The following DAB1 variants were observed in gnomAD, a reference collection of about 807,000 sequenced individuals.
DAB1 encodes DAB adaptor protein 1.
In DAB1, 15 loss-of-function variants were observed where a neutral mutation model predicts 64.6. That is an observed-to-expected ratio of 0.23 (90% CI 0.16 to 0.36). The LOEUF is 0.36. Among genes scored for constraint, DAB1 ranks in the 10% least tolerant of loss-of-function variants. DAB1 has a pLI of 1.00. For synonymous variants in DAB1, 235 were observed against 251.9 expected (o/e 0.93, Z 0.64); for missense variants, 596 against 706.7 (o/e 0.84, Z 1.78).
At position 58,018,685 on chromosome 1, in the gene DAB1, C is replaced by A. The variant is rs145550332; in HGVS notation, n.387+131826G>T. 5.1e-3 allele frequency among the ~76,000 whole-genome samples: 775 copies of A among 152,294 alleles called. 10 individuals are homozygous for A. The highest frequency in any genetic ancestry group is 0.018 in the African/African-American group (747 of 41,558). On this transcript the variant is annotated intron_variant and non_coding_transcript_variant, in intron 5 of 20. Coordinates refer to the DAB1 transcript ENST00000485760. ...TGTTTACATAAATTCTTATTAACCA[C>A]TTTTCTGGAATCGAAAGGTGTTAAT... is the stretch of plus-strand genomic sequence containing the variant.
At chr1:58,304,078 A>G (rs1253169761) in intron 4 of DAB1, among the ~76,000 whole-genome samples, 7 of 152,096 alleles carry the variant, frequency 4.6e-5, no homozygotes, top group Admixed American at 4.6e-4. Context: ...TGCATTCTGG[A>G]TAAGTACGGG....
chr1:57,367,165 C>T (rs980291583), intron 1 of DAB1, among the ~76,000 whole-genome samples: 5 of 151,366 alleles, frequency 3.3e-5, no homozygotes, highest in Non-Finnish European at 7.4e-5. Context: ...ATCCTAGTTA[C>T]CTGGGAGGCT....
At chr1:58,118,499 T>TACACAC (rs1484103711) in intron 5 of DAB1, among the ~76,000 whole-genome samples, 42 of 79,080 alleles carry the variant, frequency 5.3e-4, no homozygotes, top group East Asian at 5.1e-3. Context: ...TATATATATA[T>TACACAC]ATATACACAC....
chr1:57,555,329 G>A (rs370924987), intron 7 of DAB1, among the ~76,000 whole-genome samples: 272 of 151,032 alleles, frequency 1.8e-3, no homozygotes, highest in African/African-American at 6.3e-3. Flanking sequence ...CACCCCACCT[G>A]GCCGGTATCT....
At chr1:58,398,681 C>T (rs1039932871) in intron 3 of DAB1, among the ~76,000 whole-genome samples, 1 of 152,226 alleles carries the variant, frequency 6.6e-6, no homozygotes, top group African/African-American at 2.4e-5. Flanking sequence ...GCCCAGGTTG[C>T]AGATGAGGAA....
chr1:57,289,344 C>T lies in DAB1; in HGVS notation c.67+1620G>A, dbSNP rs557978389. On this transcript the variant is annotated intron_variant, in intron 2 of 14. Transcript: ENST00000371236. ...AATTTAAGGCAAAAATATAACTTGT[C>T]AGTTTCCACTGAAAAAGCATTTGAA... is the stretch of plus-strand genomic sequence containing the variant. Among the ~76,000 whole-genome samples the T allele has an allele frequency of 6.6e-5, 10 of 152,336 alleles. No homozygotes were observed. The South Asian group carries it at 2.1e-3, about 32-fold the overall frequency.
At chr1:57,962,204 T>C (rs890501919) in intron 5 of DAB1, among the ~76,000 whole-genome samples, 2 of 152,170 alleles carry the variant, frequency 1.3e-5, no homozygotes, top group Admixed American at 6.5e-5. Context: ...GGGATCTTTA[T>C]AGTGCCTACC....
At chr1:57,630,210 T>G (rs1452921010) in intron 7 of DAB1, among the ~76,000 whole-genome samples, 1 of 152,166 alleles carries the variant, frequency 6.6e-6, no homozygotes, top group Non-Finnish European at 1.5e-5. Flanking sequence ...TCAGGGGAAG[T>G]GACTTCGGAT....
chr1:58,297,954 T>G (rs568341434), intron 4 of DAB1, among the ~76,000 whole-genome samples: 1 of 152,178 alleles, frequency 6.6e-6, no homozygotes, highest in African/African-American at 2.4e-5. Context: ...CTCCCATCAC[T>G]TGGGGCAGTT....
At chr1:58,539,044 C>T in intron 1 of DAB1, 2 of 872,904 alleles carry the variant, frequency 2.3e-6, no homozygotes, top group Non-Finnish European at 4.0e-6. Flanking sequence ...ACTTTTGGTA[C>T]TTGAGAGGCC....
At chr1:57,900,421 CA>C (rs1382012659) in intron 5 of DAB1, among the ~76,000 whole-genome samples, 1 of 152,148 alleles carries the variant, frequency 6.6e-6, no homozygotes, top group African/African-American at 2.4e-5. Flanking sequence ...TTATTAGAGT[CA>C]GCCTAACGAG....
At chr1:57,462,630 G>A (rs1298720405) in intron 7 of DAB1, among the ~76,000 whole-genome samples, 1 of 152,070 alleles carries the variant, frequency 6.6e-6, no homozygotes, top group Non-Finnish European at 1.5e-5. Flanking sequence ...CCTATGAGAG[G>A]GTCGTACTGC....
intron 7 of DAB1, among the ~76,000 whole-genome samples, chr1:57,479,393 T>A (rs991769535): frequency 1.3e-5 from 2 of 150,736 alleles, no homozygotes; most frequent in African/African-American, 4.9e-5. Context: ...GGTTACTAAA[T>A]AAAAGAACTG....
intron 9 of DAB1, among the ~76,000 whole-genome samples, chr1:57,060,790 G>A (rs1300923640): frequency 1.3e-5 from 2 of 152,042 alleles, no homozygotes; most frequent in African/African-American, 2.4e-5. Flanking sequence ...CACTAGGCTG[G>A]AGAGGGGACC....
In DAB1 at chr1:57,258,404, C is replaced by T. The variant is rs532872822; in HGVS notation, c.67+32560G>A. Among the ~76,000 whole-genome samples, 7 of 152,236 alleles carry T rather than the reference C, an allele frequency of 4.6e-5. 1 individual carries two copies. In the South Asian group the frequency reaches 1.5e-3, roughly 32 times the overall value. ...TCATCCTCCCTGGGATGGTTTTCCA[C>T]CCCAACCATTTCCCTTCTTACTTCC... On this transcript the variant is annotated intron_variant, in intron 2 of 14. Transcript: ENST00000371236.
intron 5 of DAB1, among the ~76,000 whole-genome samples, chr1:57,903,613 A>T (rs1644507955): frequency 6.6e-6 from 1 of 152,184 alleles, no homozygotes; most frequent in African/African-American, 2.4e-5. Context: ...TGAAGTCACA[A>T]GGAGGAATCA....
intron 6 of DAB1, among the ~76,000 whole-genome samples, chr1:57,802,661 A>T (rs906716486): frequency 5.3e-5 from 8 of 152,030 alleles, no homozygotes; most frequent in Admixed American, 4.6e-4. Flanking sequence ...GTGAGTTCTC[A>T]TGAGATCTGG....
At chr1:57,904,376 T>G (rs1644519486) in intron 5 of DAB1, among the ~76,000 whole-genome samples, 1 of 152,168 alleles carries the variant, frequency 6.6e-6, no homozygotes, top group Non-Finnish European at 1.5e-5. Context: ...CCAGCTGGTT[T>G]GTGAGCATCT....
intron 7 of DAB1, among the ~76,000 whole-genome samples, chr1:57,549,529 C>A (rs1644891829): frequency 6.6e-6 from 1 of 152,138 alleles, no homozygotes; most frequent in East Asian, 1.9e-4. Flanking sequence ...GGGCACAGCT[C>A]CTGGAGAGCT....
Sources: gnomAD v4.1 joint callset for allele counts (sites outside exome capture counted in the v4.1 genomes callset) on GRCh38, gnomAD v4.1.1 for gene constraint, MANE v1.5 for transcripts, NCBI Gene and HGNC (gene_info 2026-07-23, HGNC 2026-07-21) for gene names.